Variants in DCP1B observed in about 807,000 individuals in gnomAD.
DCP1B encodes mRNA-decapping enzyme 1B.
In DCP1B, 47 loss-of-function variants were observed where a neutral mutation model predicts 60.5. The observed-to-expected ratio is 0.78, with a 90% CI of 0.61 to 0.99. The LOEUF (loss-of-function observed/expected upper bound fraction) is 0.99. Among genes scored for constraint, DCP1B ranks in the 50% least tolerant of loss-of-function variants. DCP1B has a pLI of 0.00. For synonymous variants in DCP1B, 267 were observed against 280.3 expected (o/e 0.95, Z 0.47); for missense variants, 725 against 756.8 (o/e 0.96, Z 0.49).
At chr12:1,972,568 A>G (rs1457349638) in intron 3 of DCP1B, among the ~76,000 whole-genome samples, 2 of 152,210 alleles carry the variant, frequency 1.3e-5, no homozygotes, top group African/African-American at 4.8e-5. Flanking sequence ...TATTTCACCA[A>G]TGAGGAATCT....
intron 3 of DCP1B, among the ~76,000 whole-genome samples, chr12:1,979,543 C>T (rs1223374238): frequency 6.6e-6 from 1 of 152,184 alleles, no homozygotes; most frequent in Non-Finnish European, 1.5e-5. Context: ...AACTCCTGAC[C>T]TCAAGTGATC....
At position 1,949,335 on chromosome 12, in the gene DCP1B, C is replaced by T. The variant is rs994395836; in HGVS notation, c.1525-1G>A. 1 of 1,613,262 alleles carries T rather than the reference C, an allele frequency of 6.2e-7. No individual in the cohort carries two copies. Among genetic ancestry groups the T allele is most frequent in the South Asian group, 1.1e-5 (1 of 91,066 alleles). ...CAGGGATGCGCTGAGGTGAGATGAC[C>T]TGCTCACAGCAAATACACACAGAGA... is the stretch of plus-strand genomic sequence containing the variant. On this transcript the variant is annotated splice_acceptor_variant, in intron 7 of 8. Coordinates refer to ENST00000280665, the MANE Select transcript of DCP1B (RefSeq NM_152640.5). LOFTEE classifies it high-confidence loss of function.
At chr12:1,968,194 C>T (rs1477341549) in intron 3 of DCP1B, among the ~76,000 whole-genome samples, 1 of 151,242 alleles carries the variant, frequency 6.6e-6, no homozygotes, top group Admixed American at 6.6e-5. Flanking sequence ...ACTAAAAATA[C>T]AAAAAAAATT....
chr12:1,964,897 A>G (rs1265436051), intron 5 of DCP1B, among the ~76,000 whole-genome samples: 1 of 151,584 alleles, frequency 6.6e-6, no homozygotes, highest in East Asian at 1.9e-4. Context: ...CCCACCTCCA[A>G]CCCCTACTAA....
chr12:1,956,040 C>T (rs1371480377), intron 5 of DCP1B, among the ~76,000 whole-genome samples: 1 of 152,128 alleles, frequency 6.6e-6, no homozygotes, highest in African/African-American at 2.4e-5. Flanking sequence ...CTGACTCAAA[C>T]CACTGATTTA....
At chr12:1,995,893 G>A (rs1240792652) in intron 2 of DCP1B, among the ~76,000 whole-genome samples, 3 of 152,126 alleles carry the variant, frequency 2.0e-5, no homozygotes, top group South Asian at 2.1e-4. Flanking sequence ...CTTACTCTGA[G>A]GGGCTGGCCA....
rs577007428 is a variant in DCP1B, at chr12:1,950,727, G to A, written c.1525-1393C>T. 8.5e-5 allele frequency among the ~76,000 whole-genome samples: 13 copies of A among 152,248 alleles called. No individual in the cohort carries two copies. In the South Asian group the frequency reaches 2.7e-3, roughly 32 times the overall value. On this transcript the variant is annotated intron_variant, in intron 7 of 8. Transcript: ENST00000280665. ...AGTGGTGCAAACATGGCTGACTGCAGCCTCAACTTCTTGGGCTCAAGCAAT... is the reference window on the plus strand; with the variant it reads ...AGTGGTGCAAACATGGCTGACTGCAACCTCAACTTCTTGGGCTCAAGCAAT...
At chr12:2,001,931 C>T (rs2042278405) in intron 1 of DCP1B, among the ~76,000 whole-genome samples, 1 of 152,186 alleles carries the variant, frequency 6.6e-6, no homozygotes, top group Non-Finnish European at 1.5e-5. Context: ...CTGAGAGCCA[C>T]TGGTCTAAGG....
At chr12:1,985,903 T>C (rs913224696) in intron 3 of DCP1B, among the ~76,000 whole-genome samples, 5 of 152,092 alleles carry the variant, frequency 3.3e-5, no homozygotes, top group East Asian at 1.9e-4. Flanking sequence ...CTCCACCTCC[T>C]GGGTTCACGC....
intron 8 of DCP1B, among the ~76,000 whole-genome samples, chr12:1,946,504 C>CAA (rs2030430592): frequency 6.6e-6 from 1 of 152,194 alleles, no homozygotes; most frequent in African/African-American, 2.4e-5. Context: ...TGCACAGCAG[C>CAA]AAGAGCTCAT....
At chr12:1,952,295 T>G in intron 7 of DCP1B, 121 bp downstream of exon 7, 1 of 1,234,204 alleles carries the variant, frequency 8.1e-7, no homozygotes, top group Non-Finnish European at 1.1e-6. Flanking sequence ...CACCTCAGCC[T>G]CCTCAGTAGC....
chr12:1,961,745 T>C (rs565706377), intron 5 of DCP1B, among the ~76,000 whole-genome samples: 58 of 152,330 alleles, frequency 3.8e-4, no homozygotes, highest in African/African-American at 1.3e-3. Context: ...AGTGTCATTT[T>C]TACTAAGCCT....
At chr12:1,958,521 C>T (rs541852482) in intron 5 of DCP1B, among the ~76,000 whole-genome samples, 2 of 144,804 alleles carry the variant, frequency 1.4e-5, no homozygotes, top group African/African-American at 2.6e-5. Flanking sequence ...AGCTCCCTAA[C>T]GTCGCTCTGC....
intron 4 of DCP1B, among the ~76,000 whole-genome samples, chr12:1,966,775 T>C (rs1433134285): frequency 6.6e-6 from 1 of 152,232 alleles, no homozygotes; most frequent in Non-Finnish European, 1.5e-5. Flanking sequence ...ATACACTTAA[T>C]CACCATCTGC....
chr12:1,996,608 T>C (rs138228920), intron 2 of DCP1B, among the ~76,000 whole-genome samples: 1,877 of 68,822 alleles, frequency 0.027, 52 homozygotes, highest in African/African-American at 0.097. Context: ...TAATAATAGC[T>C]GATGAGCTAA....
intron 1 of DCP1B, among the ~76,000 whole-genome samples, chr12:2,000,051 C>A (rs2041836687): frequency 6.6e-6 from 1 of 152,072 alleles, no homozygotes; most frequent in Admixed American, 6.5e-5. Flanking sequence ...TTACTTACAC[C>A]CAAACCACCA....
downstream of DCP1B, among the ~76,000 whole-genome samples, chr12:1,943,008 C>A (rs1397061813): frequency 6.6e-6 from 1 of 151,936 alleles, no homozygotes; most frequent in Non-Finnish European, 1.5e-5. Flanking sequence ...GAATCCAGGA[C>A]CTGGTTTTTT....
At chr12:1,968,998 G>A (rs549762410) in intron 3 of DCP1B, among the ~76,000 whole-genome samples, 39 of 152,158 alleles carry the variant, frequency 2.6e-4, no homozygotes, top group Admixed American at 4.6e-4. Flanking sequence ...GGATCTGATG[G>A]CATTAATCAT....
At position 1,965,585 on chromosome 12, in the gene DCP1B, G is replaced by A. The variant is rs751744721; in HGVS notation, c.495C>T (p.Leu165=). 1.5e-5 allele frequency: 25 copies of A among 1,613,564 alleles called. No homozygotes were observed. The highest frequency in any genetic ancestry group is 1.2e-4 in the South Asian group (11 of 90,998). The change falls in exon 5 of 9, where the codon CTC becomes CTT. Residue 165 remains leucine, a synonymous_variant. Transcript: ENST00000280665. ...TTGTGTATTCGTCTTTGGCCTTGATGAGCATTCGTAAAATGTCTACTTCTT... is the reference window on the plus strand; with the variant it reads ...TTGTGTATTCGTCTTTGGCCTTGATAAGCATTCGTAAAATGTCTACTTCTT... The part of the protein sequence containing the change: ...EGKEVDILRM[L]IKAKDEYTKC...
Sources: allele counts gnomAD v4.1 joint callset (sites outside exome capture counted in the v4.1 genomes callset), GRCh38; gene constraint gnomAD v4.1.1; transcripts MANE v1.5; gene names NCBI Gene and HGNC (gene_info 2026-07-23, HGNC 2026-07-21).